The following RASGRF2 variants were observed in gnomAD, a reference collection of about 807,000 sequenced individuals.
The protein encoded by RASGRF2 is ras-specific guanine nucleotide-releasing factor 2.
In RASGRF2, 76 loss-of-function variants were observed where a neutral mutation model predicts 151.0. The ratio of observed to expected loss-of-function variants is 0.50; its 90% CI spans 0.42 to 0.61. The LOEUF is 0.61. Ranked by LOEUF, RASGRF2 falls within the 20% of genes least tolerant of loss-of-function variation. The pLI, the probability that RASGRF2 is intolerant of heterozygous loss-of-function variation, is 0.00. For synonymous variants in RASGRF2, 504 were observed against 566.5 expected (o/e 0.89, Z 1.57); for missense variants, 1,148 against 1,564.6 (o/e 0.73, Z 4.49).
intron 9 of RASGRF2, chr5:81,087,211 G>C (rs1023804011): frequency 1.6e-5 from 11 of 703,008 alleles, no homozygotes; most frequent in Non-Finnish European, 2.9e-5. Context: ...CCTCCTCAGC[G>C]GCCCGGACAT....
chr5:81,041,301 CAAA>C (rs34567203), intron 1 of RASGRF2, among the ~76,000 whole-genome samples: 29 of 112,538 alleles, frequency 2.6e-4, no homozygotes, highest in South Asian at 5.8e-4. Flanking sequence ...GACTCCGTCT[CAAA>C]AAAAAAAAAA....
At chr5:81,204,561 C>G (rs1755464688) in intron 19 of RASGRF2, among the ~76,000 whole-genome samples, 1 of 152,122 alleles carries the variant, frequency 6.6e-6, no homozygotes, top group South Asian at 2.1e-4. Flanking sequence ...GTTTGTTGCC[C>G]TGTTTGTAAA....
At chr5:80,970,114 C>T (rs552745906) in intron 1 of RASGRF2, among the ~76,000 whole-genome samples, 4 of 152,138 alleles carry the variant, frequency 2.6e-5, no homozygotes, top group South Asian at 2.1e-4. Context: ...CATGAGCCAC[C>T]GCGCCCTTTG....
chr5:81,219,868 C>A, intron 26 of RASGRF2, 90 bp downstream of exon 26: 1 of 973,962 alleles, frequency 1.0e-6, no homozygotes, highest in Non-Finnish European at 1.5e-6. Flanking sequence ...TCCAAAATAC[C>A]AAAAGCTAGC....
intron 12 of RASGRF2, among the ~76,000 whole-genome samples, chr5:81,106,463 C>CT (rs1727356519): frequency 6.6e-6 from 1 of 152,192 alleles, no homozygotes; most frequent in Non-Finnish European, 1.5e-5. Flanking sequence ...TGCTTAGAAA[C>CT]CCTCAGTGGC....
At chr5:81,190,590 TC>T (rs1755135235) in intron 18 of RASGRF2, among the ~76,000 whole-genome samples, 1 of 152,260 alleles carries the variant, frequency 6.6e-6, no homozygotes, top group East Asian at 1.9e-4. Flanking sequence ...GATTTTCTTT[TC>T]TTTTTTTTAA....
intron 18 of RASGRF2, among the ~76,000 whole-genome samples, chr5:81,195,973 ACACGGCCGGG>A (rs1469322861): frequency 6.6e-6 from 1 of 152,190 alleles, no homozygotes; most frequent in African/African-American, 2.4e-5. Flanking sequence ...AAAATTTTAT[ACACGGCCGGG>A]CACCGTGGCT....
chr5:81,189,557 C>T (rs2124887), intron 18 of RASGRF2, among the ~76,000 whole-genome samples: 2 of 150,164 alleles, frequency 1.3e-5, no homozygotes, highest in African/African-American at 2.5e-5. Flanking sequence ...GTGGTGCGAT[C>T]GTAGCTCACT....
chr5:81,217,361 A>G lies in RASGRF2; in HGVS notation c.3440A>G (p.Asn1147Ser). The G allele has an allele frequency of 1.2e-6, 2 of 1,604,098 alleles. No homozygotes were observed. Among genetic ancestry groups the G allele is most frequent in the Non-Finnish European group, 1.7e-6 (2 of 1,176,790 alleles). Residue 1147 changes from asparagine to serine, a missense_variant, in exon 25 of 27, where the codon AAC becomes AGC. Transcript: ENST00000265080. ...AGTGCCTCTTGGTCTTGCAGTTGTA[A>G]CCCTCCTGCAGTTCCTTATCTTGGG... ...KNLRETLKNC[N>S]PPAVPYLGMY...
At chr5:80,990,109 C>T (rs1170489859) in intron 1 of RASGRF2, among the ~76,000 whole-genome samples, 1 of 152,100 alleles carries the variant, frequency 6.6e-6, no homozygotes, top group Non-Finnish European at 1.5e-5. Context: ...GGAGCTGTGT[C>T]CCCTGGAGAA....
intron 17 of RASGRF2, among the ~76,000 whole-genome samples, chr5:81,155,416 G>A (rs1754237195): frequency 6.6e-6 from 1 of 152,098 alleles, no homozygotes; most frequent in Non-Finnish European, 1.5e-5. Context: ...CAAAAGTGCT[G>A]CTTAAGAAGA....
chr5:80,960,641 G>A lies in RASGRF2; in HGVS notation c.-98G>A, dbSNP rs1342943155. The stretch of plus-strand genomic sequence containing the variant: ...GAAAGGGGGCGCCCTTCGCCGGCCG[G>A]GACCTGAGCGGTCGCGCCCTCGAGG... On this transcript the variant is annotated 5_prime_UTR_variant, in exon 1 of 27. Transcript: ENST00000265080. This position sits in a 1 kb window ranked among gnomAD's most constrained non-coding sequence, Gnocchi z 5.5. 2 of 1,149,366 alleles carry A rather than the reference G, an allele frequency of 1.7e-6. No homozygotes were observed. The highest frequency in any genetic ancestry group is 2.2e-6 in the Non-Finnish European group (2 of 901,186). The allele number at this position is 1,149,366 out of a possible 1,614,324, so 71.2% of individuals were successfully genotyped here. A position where few individuals can be genotyped will look rare whatever the true frequency, so the allele number is the denominator to read the frequency against.
chr5:81,170,449 T>C (rs1028914230), intron 17 of RASGRF2, among the ~76,000 whole-genome samples: 1 of 152,262 alleles, frequency 6.6e-6, no homozygotes, highest in Non-Finnish European at 1.5e-5. Flanking sequence ...TGATTTTGTC[T>C]ACTCTCTGAC....
chr5:81,169,579 G>A (rs1754596406), intron 17 of RASGRF2, among the ~76,000 whole-genome samples: 1 of 152,172 alleles, frequency 6.6e-6, no homozygotes, highest in South Asian at 2.1e-4. Flanking sequence ...ATAATGATTA[G>A]GACGCACCAT....
At chr5:81,097,972 G>A (rs1752594183) in intron 12 of RASGRF2, among the ~76,000 whole-genome samples, 1 of 152,198 alleles carries the variant, frequency 6.6e-6, no homozygotes, top group Non-Finnish European at 1.5e-5. Context: ...GATGGGCTGA[G>A]GGCAGAGGGT....
chr5:81,216,446 G>A (rs1755742753), intron 24 of RASGRF2, among the ~76,000 whole-genome samples: 3 of 151,762 alleles, frequency 2.0e-5, no homozygotes, highest in African/African-American at 4.8e-5. Context: ...GTATTCTCAT[G>A]ATCTACCACA....
chr5:81,163,969 C>T (rs185480411), intron 17 of RASGRF2, among the ~76,000 whole-genome samples: 57 of 152,212 alleles, frequency 3.7e-4, no homozygotes, highest in Non-Finnish European at 3.8e-4. Flanking sequence ...GAACAGTTCC[C>T]GGCATATAAT....
At chr5:81,113,429 G>A (rs564259243) in intron 14 of RASGRF2, 109 bp from the exon 15 acceptor site, 5 of 1,282,724 alleles carry the variant, frequency 3.9e-6, no homozygotes, top group Admixed American at 4.4e-5. Context: ...AGCAATAGAA[G>A]TGCAATGAGA....
intron 24 of RASGRF2, among the ~76,000 whole-genome samples, chr5:81,216,659 TTCTATC>T (rs1451151571): frequency 5.3e-5 from 8 of 152,178 alleles, no homozygotes; most frequent in Admixed American, 1.3e-4. Flanking sequence ...AGATAAGCTT[TTCTATC>T]TCCATTTTAC....
Sources: gnomAD v4.1 joint callset for allele counts (sites outside exome capture counted in the v4.1 genomes callset) on GRCh38, gnomAD v4.1.1 for gene constraint, Gnocchi (gnomAD v3.1) non-coding constraint, MANE v1.5 for transcripts, NCBI Gene and HGNC (gene_info 2026-07-23, HGNC 2026-07-21) for gene names.